Variants in SLC6A17 observed in about 807,000 individuals in gnomAD.
The protein encoded by SLC6A17 is solute carrier family 6 member 17, also known as sodium-dependent neutral amino acid transporter SLC6A17.
SLC6A17 carries 21 observed loss-of-function variants against 64.5 expected under a neutral mutation model. That is an observed-to-expected ratio of 0.33 (90% confidence interval 0.23 to 0.47). SLC6A17 has a LOEUF of 0.47. Ranked by LOEUF, SLC6A17 falls within the 20% of genes least tolerant of loss-of-function variation. SLC6A17 has a pLI of 1.00. For synonymous variants in SLC6A17, 372 were observed against 399.5 expected, an observed-to-expected ratio of 0.93 and a Z score of 0.82; for missense variants, 682 against 963.2, an observed-to-expected ratio of 0.71 and a Z score of 3.86.
intron 6 of SLC6A17, among the ~76,000 whole-genome samples, chr1:110,188,187 C>G (rs550499492): frequency 6.6e-6 from 1 of 152,234 alleles, no homozygotes; most frequent in African/African-American, 2.4e-5. Context: ...ATCACATTAC[C>G]TTTCTAAAAT....
chr1:110,163,250 C>T (rs1258422392), intron 1 of SLC6A17, among the ~76,000 whole-genome samples: 1 of 151,940 alleles, frequency 6.6e-6, no homozygotes. Flanking sequence ...CCTAGGTGGA[C>T]ACCAGTTCTG....
chr1:110,176,772 C>T (rs779225441), intron 6 of SLC6A17, 33 bp downstream of exon 6: 35 of 1,577,052 alleles, frequency 2.2e-5, no homozygotes, highest in African/African-American at 1.5e-4. Context: ...TGCCAGGGAA[C>T]AGCAACAGGT....
intron 1 of SLC6A17, among the ~76,000 whole-genome samples, chr1:110,164,299 A>G (rs564811160): frequency 1.4e-4 from 22 of 152,274 alleles, no homozygotes; most frequent in Non-Finnish European, 2.6e-4. Flanking sequence ...CCCCACCTCT[A>G]CTGAGTCTGA....
intron 6 of SLC6A17, 56 bp from the exon 7 acceptor site, chr1:110,191,916 T>C: frequency 6.3e-7 from 1 of 1,580,824 alleles, no homozygotes; most frequent in Admixed American, 1.7e-5. Context: ...TGCACATGAA[T>C]AAAACCATCC....
rs1553206770 is a variant in SLC6A17 at position 110,186,461 on chromosome 1, G to GAAA, written c.865-5511_865-5510insAAA. ...AATAATTACCAAAAAAAAAAAAAAA[G>GAAA]GAAAGAGAAGAGGAAAGGATAATAA... On this transcript the variant is annotated intron_variant, in intron 6 of 11. Coordinates refer to ENST00000331565, the MANE Select transcript of SLC6A17 (RefSeq NM_001010898.4). Among the ~76,000 whole-genome samples, 12 of 142,914 alleles carry GAAA rather than the reference G, an allele frequency of 8.4e-5. 1 individual carries two copies. The highest frequency in any genetic ancestry group is 4.4e-4 in the South Asian group (2 of 4,534). The allele number at this position is 142,914 out of a possible 152,430, so 93.8% of individuals were successfully genotyped here.
Position 110,198,663 on chromosome 1 carries a change from C to G in SLC6A17, c.*219C>G, listed in dbSNP as rs1028817953. ...AGCTCTGTTTCCTAATTCAGGACCC[C>G]ACTCATCTAGCCCTCCAAGAGCCTC... On this transcript the variant is annotated 3_prime_UTR_variant, in exon 12 of 12. Coordinates refer to ENST00000331565, the MANE Select transcript of SLC6A17 (RefSeq NM_001010898.4). 1.4e-6 allele frequency: 1 copy of G among 732,436 alleles called. No homozygotes were observed. The highest frequency in any genetic ancestry group is 1.8e-5 in the African/African-American group (1 of 56,470). 45.4% of individuals were successfully genotyped at this position (732,436 alleles called of 1,614,324 possible).
chr1:110,161,684 C>G (rs1288893584), intron 1 of SLC6A17, among the ~76,000 whole-genome samples: 1 of 152,174 alleles, frequency 6.6e-6, no homozygotes, highest in Non-Finnish European at 1.5e-5. Flanking sequence ...CTGAACCTTC[C>G]CCAGCAAGAA....
In SLC6A17 at chr1:110,199,226, A is replaced by G. The variant is rs12566000; in HGVS notation, c.*782A>G. 6.6e-6 allele frequency: 1 copy of G among 152,434 alleles called. No homozygotes were observed. Among genetic ancestry groups the G allele is most frequent in the Non-Finnish European group, 1.5e-5 (1 of 68,250 alleles). The allele number at this position is 152,434 out of a possible 1,614,324, so 9.4% of individuals were successfully genotyped here. On this transcript the variant is annotated 3_prime_UTR_variant, in exon 12 of 12. Transcript: ENST00000331565. ...CGGGACCAGAACCTTCCCCACCTCA[A>G]TTAGGGCTTAGCCATCTCCCTGTCC...
chr1:110,198,183 C>T lies in SLC6A17; in HGVS notation c.1923C>T (p.Phe641=), dbSNP rs372087169. The change falls in exon 12 of 12, where the codon TTC becomes TTT. Residue 641 remains phenylalanine (F), a synonymous_variant. Coordinates refer to ENST00000331565, the MANE Select transcript of SLC6A17 (RefSeq NM_001010898.4). ...CTGTGGTGTTCGTCCTGCGGCACTT[C>T]CACCTGCTCTCTGATGGCTCCAACA... The part of the protein sequence containing the change: ...PIPVVFVLRH[F]HLLSDGSNTL... 2 of 1,614,136 alleles carry T rather than the reference C, an allele frequency of 1.2e-6. No homozygotes were observed. The highest frequency in any genetic ancestry group is 3.3e-5 in the Admixed American group (2 of 60,022).
Position 110,200,168 on chromosome 1 carries a change from TA to T in SLC6A17, c.*1725del. ...AGACCAGAATCAGGGTCCCCTCCTT[TA>T]CCCCTGAGTTCCTTACTGTTCCCCC... On this transcript the variant is annotated 3_prime_UTR_variant, in exon 12 of 12. Transcript: ENST00000331565. 1 of 398,410 alleles carries T rather than the reference TA, an allele frequency of 2.5e-6. No individual in the cohort carries two copies. The allele number at this position is 398,410 out of a possible 1,614,324, so 24.7% of individuals were successfully genotyped here. A position where few individuals can be genotyped will look rare whatever the true frequency, so the allele number is the denominator to read the frequency against.
intron 1 of SLC6A17, among the ~76,000 whole-genome samples, chr1:110,155,629 T>C (rs774994009): frequency 1.3e-5 from 2 of 152,176 alleles, no homozygotes; most frequent in Non-Finnish European, 2.9e-5. Context: ...TAGCTGCAGT[T>C]GTCCCACTGA....
chr1:110,173,075 T>G (rs1343056115), intron 3 of SLC6A17, among the ~76,000 whole-genome samples: 1 of 152,232 alleles, frequency 6.6e-6, no homozygotes. Context: ...GCCAATGCCG[T>G]GTATTCTGCT....
In SLC6A17 at chr1:110,173,887, G is replaced by C; in HGVS notation, c.445-86G>C. ...GCTGTGCTGCTGTGTTTATGGCGCT[G>C]CCGACGTGCTGGGCCTCGGGTGGAG... On this transcript the variant is annotated intron_variant, in intron 3 of 11. Coordinates refer to ENST00000331565, the MANE Select transcript of SLC6A17 (RefSeq NM_001010898.4). 11 of 1,545,912 alleles carry C rather than the reference G, an allele frequency of 7.1e-6. No individual in the cohort carries two copies. In the South Asian group the frequency reaches 1.1e-4, roughly 16 times the overall value.
chr1:110,163,201 A>C (rs1453473663), intron 1 of SLC6A17, among the ~76,000 whole-genome samples: 1 of 151,908 alleles, frequency 6.6e-6, no homozygotes, highest in Non-Finnish European at 1.5e-5. Flanking sequence ...TTCCTTTGAC[A>C]CTGGGGTGTG....
chr1:110,192,063 T>G lies in SLC6A17; in HGVS notation c.956T>G (p.Phe319Cys). 6.2e-7 allele frequency: 1 copy of G among 1,614,198 alleles called. No homozygotes were observed. Among genetic ancestry groups the G allele is most frequent in the Non-Finnish European group, 8.5e-7 (1 of 1,180,022 alleles). ...CTGGGCTTTGGTGGTGTCATTGCCTTCTCCAGCTACAATAAGCAGGACAAC... is the reference window on the plus strand; with the variant it reads ...CTGGGCTTTGGTGGTGTCATTGCCTGCTCCAGCTACAATAAGCAGGACAAC... ...LGLGFGGVIA[F>C]SSYNKQDNNC... The change falls in exon 7 of 12, where the codon TTC becomes TGC. Residue 319 changes from phenylalanine (F) to cysteine (C), a missense_variant. By Grantham distance (205) the Phe-to-Cys change is radical (BLOSUM62 -2). This residue lies in a region of SLC6A17 where 415 missense variants were observed against 603.8 expected (regional missense o/e 0.69). Coordinates refer to ENST00000331565, the MANE Select transcript of SLC6A17 (RefSeq NM_001010898.4). This position sits in a 1 kb window ranked among gnomAD's most constrained non-coding sequence, Gnocchi z 4.3.
At chr1:110,182,535 G>A (rs1054595280) in intron 6 of SLC6A17, among the ~76,000 whole-genome samples, 6 of 152,004 alleles carry the variant, frequency 3.9e-5, no homozygotes, top group Admixed American at 1.3e-4. Context: ...ACAGAGAAGA[G>A]AGCTGAGCAC....
rs536264315 is a variant in SLC6A17 at position 110,200,222 on chromosome 1, C to T, written c.*1778C>T. ...GCCTGGGAGCAGTCTATCCCCCAAC[C>T]CTGCCATCTCCCTTACTCATCCCTC... On this transcript the variant is annotated 3_prime_UTR_variant, in exon 12 of 12. Coordinates refer to ENST00000331565, the MANE Select transcript of SLC6A17 (RefSeq NM_001010898.4). The T allele has an allele frequency of 5.0e-6, 2 of 397,530 alleles. No homozygotes were observed. Among genetic ancestry groups the T allele is most frequent in the East Asian group, 7.1e-5 (2 of 28,048 alleles). The allele number at this position is 397,530 out of a possible 1,614,324, so 24.6% of individuals were successfully genotyped here.
At chr1:110,175,026 G>C in intron 5 of SLC6A17, 66 bp downstream of exon 5, 1 of 1,544,880 alleles carries the variant, frequency 6.5e-7, no homozygotes, top group Non-Finnish European at 8.7e-7. Flanking sequence ...AGGGCACAGG[G>C]CTAAGAATTC....
chr1:110,176,791 C>A, intron 6 of SLC6A17, 52 bp downstream of exon 6: 1 of 1,491,148 alleles, frequency 6.7e-7, no homozygotes, highest in Non-Finnish European at 9.3e-7. Context: ...GTCTACTGGG[C>A]CTGGTCAGCT....
Sources: allele counts gnomAD v4.1 joint callset (sites outside exome capture counted in the v4.1 genomes callset), GRCh38; gene constraint gnomAD v4.1.1; regional missense constraint gnomAD v4.1.1; non-coding constraint Gnocchi (gnomAD v3.1); transcripts MANE v1.5; gene names NCBI Gene and HGNC (gene_info 2026-07-23, HGNC 2026-07-21).